The following COPZ2 variants were observed in gnomAD, a reference collection of about 807,000 sequenced individuals.
COPZ2 encodes the protein coat protein complex I subunit zeta 2, also known as coatomer subunit zeta-2.
COPZ2 carries 30 observed loss-of-function variants against 33.2 expected under a neutral mutation model. The observed-to-expected ratio is 0.90, with a 90% CI of 0.68 to 1.23. The LOEUF (loss-of-function observed/expected upper bound fraction) is 1.23, where lower values mean the gene tolerates loss of function less well. Among genes scored for constraint, COPZ2 ranks in the 50% most tolerant of loss-of-function variants. The pLI, the probability that COPZ2 is intolerant of heterozygous loss-of-function variation, is 0.00. For missense variants in COPZ2, 263 were observed against 262.4 expected, an observed-to-expected ratio of 1.00 and a Z score of -0.02; for synonymous variants, 89 against 102.6, an observed-to-expected ratio of 0.87 and a Z score of 0.80.
At chr17:48,026,538 A>G in intron 8 of COPZ2, 63 bp from the exon 9 acceptor site, 2 of 1,258,108 alleles carry the variant, frequency 1.6e-6, no homozygotes, top group Non-Finnish European at 2.3e-6. Context: ...ATACACAGTC[A>G]TGGGGAGGTC....
chr17:48,036,462 C>A (rs551930038), intron 2 of COPZ2, among the ~76,000 whole-genome samples: 1 of 152,120 alleles, frequency 6.6e-6, no homozygotes, highest in Non-Finnish European at 1.5e-5. Flanking sequence ...TAGACTAAAT[C>A]GTTAGTGTTT....
intron 4 of COPZ2, 125 bp downstream of exon 4, chr17:48,033,086 C>T: frequency 1.4e-6 from 1 of 690,182 alleles, no homozygotes; most frequent in Non-Finnish European, 2.6e-6. Context: ...CCTCCTCTAC[C>T]CCATGGAGCC....
Position 48,026,472 on chromosome 17 carries a change from G to A in COPZ2, c.589C>T (p.Leu197Phe). The change falls in exon 9 of 9, where the codon CTT becomes TTT. Residue 197 changes from leucine to phenylalanine, a missense_variant. Transcript: ENST00000621465. ...TTAATTTGTTCCTTGGCAGACTGAA[G>A]AACCTGGGGTGGGGTGGGGGAGGTT... ...GLTEQSVAQV[L>F]QSAKEQIKWS... 4 of 1,610,246 alleles carry A rather than the reference G, an allele frequency of 2.5e-6. No individual in the cohort carries two copies. Among genetic ancestry groups the A allele is most frequent in the African/African-American group, 1.3e-5 (1 of 74,976 alleles).
chr17:48,026,819 GAC>G (rs1271772934), intron 8 of COPZ2, among the ~76,000 whole-genome samples: 1 of 152,250 alleles, frequency 6.6e-6, no homozygotes, highest in Non-Finnish European at 1.5e-5. Context: ...GCCCAGGCCT[GAC>G]ACTCCCTGTG....
the COPZ2 span, among the ~76,000 whole-genome samples, chr17:48,044,172 C>T: frequency 6.6e-6 from 1 of 152,098 alleles, no homozygotes. Context: ...CATGGCAAAA[C>T]CCTGTCTCTA....
intron 3 of COPZ2, among the ~76,000 whole-genome samples, chr17:48,033,536 C>T (rs1007783741): frequency 1.3e-5 from 2 of 152,166 alleles, no homozygotes; most frequent in Non-Finnish European, 2.9e-5. Flanking sequence ...CAGTTGTTGA[C>T]CCGTTTACCT....
rs115474324 is a variant in COPZ2, at chr17:48,035,736, T to G, written c.186+1115A>C. ...ACTGCGCCTGGCCTTACAACACATTTCTTTTCTTTTTCTTTTCTTTTTTTT... is the reference window on the plus strand; with the variant it reads ...ACTGCGCCTGGCCTTACAACACATTGCTTTTCTTTTTCTTTTCTTTTTTTT... On this transcript the variant is annotated intron_variant, in intron 2 of 8. Coordinates refer to ENST00000621465, the MANE Select transcript of COPZ2 (RefSeq NM_016429.4). Among the ~76,000 whole-genome samples the G allele has an allele frequency of 5.7e-3, 852 of 150,758 alleles. 5 individuals are homozygous for G. Among genetic ancestry groups the G allele is most frequent in the African/African-American group, 0.02 (802 of 41,066 alleles).
At position 48,037,357 on chromosome 17, in the gene COPZ2, A is replaced by C. The variant is rs1598265814; in HGVS notation, c.111+310T>G. The C allele has an allele frequency of 4.2e-5, 14 of 331,054 alleles. No homozygotes were observed. Among genetic ancestry groups the C allele is most frequent in the East Asian group, 9.8e-5 (1 of 10,158 alleles). The allele number at this position is 331,054 out of a possible 1,614,324, so 20.5% of individuals were successfully genotyped here. A position where few individuals can be genotyped will look rare whatever the true frequency, so the allele number is the denominator to read the frequency against. On this transcript the variant is annotated intron_variant, in intron 1 of 8. Transcript: ENST00000621465. The surrounding 1 kb of genome is among the most constrained non-coding windows in gnomAD (Gnocchi z 5.6). ...GACTCCAGAAGCATGCCCATCACCC[A>C]CCGGTGATGGGAGCCGAGTCTGGGA...
rs541404337 is a variant in COPZ2 at position 48,033,899 on chromosome 17, C to T, written c.232G>A (p.Glu78Lys). Residue 78 changes from glutamate to lysine, a missense_variant, in exon 3 of 9, where the codon GAG becomes AAG. By Grantham distance (56) the Glu-to-Lys change is moderately conservative. Coordinates refer to ENST00000621465, the MANE Select transcript of COPZ2 (RefSeq NM_016429.4). ...CTGGTCTTGTTGAAGACATTTTTCT[C>T]GAAAACCATCTGCTCCTTCATGGAG... is the stretch of plus-strand genomic sequence containing the variant. Reference protein sequence around the residue: ...FPSMKEQMVFEKNVFNKTSRT... With the variant: ...FPSMKEQMVFKKNVFNKTSRT... The T allele has an allele frequency of 8.7e-6, 14 of 1,611,728 alleles. No individual in the cohort carries two copies. Among genetic ancestry groups the T allele is most frequent in the Admixed American group, 5.0e-5 (3 of 59,780 alleles).
chr17:48,037,814 G>A (rs990679533), upstream of COPZ2: 19 of 970,980 alleles, frequency 2.0e-5, no homozygotes, highest in African/African-American at 3.3e-4. The surrounding 1 kb of genome is among the most constrained non-coding windows in gnomAD (Gnocchi z 5.6). Flanking sequence ...GCCGCCCGCC[G>A]CCTGCCCGCC....
chr17:48,034,776 C>T (rs372693266), intron 2 of COPZ2, among the ~76,000 whole-genome samples: 6 of 151,878 alleles, frequency 4.0e-5, no homozygotes, highest in Non-Finnish European at 8.8e-5. Flanking sequence ...TGAGGTCAGG[C>T]GTTCCAGACC....
chr17:48,031,794 T>A lies in COPZ2; in HGVS notation c.494+362A>T, dbSNP rs568355041. 1.7e-5 allele frequency: 5 copies of A among 296,042 alleles called. No homozygotes were observed. The East Asian group carries it at 4.1e-4, about 24-fold the overall frequency. The allele number at this position is 296,042 out of a possible 1,614,324, so 18.3% of individuals were successfully genotyped here. On this transcript the variant is annotated intron_variant, in intron 6 of 8. Coordinates refer to ENST00000621465, the MANE Select transcript of COPZ2 (RefSeq NM_016429.4). ...AATTGAGCCCTAAGAGCAGGACATG[T>A]GGGGCTGGTGGGACTGTCTGAAGTC...
At chr17:48,043,167 T>G in the COPZ2 span, among the ~76,000 whole-genome samples, 2 of 152,144 alleles carry the variant, frequency 1.3e-5, no homozygotes, top group African/African-American at 4.8e-5. Flanking sequence ...TCCCTTCGGG[T>G]AGGCACAGTA....
At chr17:48,027,356 G>C (rs2036831907) in intron 8 of COPZ2, among the ~76,000 whole-genome samples, 1 of 152,206 alleles carries the variant, frequency 6.6e-6, no homozygotes, top group African/African-American at 2.4e-5. Flanking sequence ...GCCCTACTAA[G>C]AGCTTGTCAC....
the COPZ2 span, chr17:48,046,428 G>T: frequency 6.6e-6 from 1 of 152,218 alleles, no homozygotes; most frequent in Non-Finnish European, 1.5e-5. Flanking sequence ...CTCCTGAGTA[G>T]TTGGGACTAT....
At position 48,037,317 on chromosome 17, in the gene COPZ2, GC is replaced by G; in HGVS notation, c.111+349del. On this transcript the variant is annotated intron_variant, in intron 1 of 8. Transcript: ENST00000621465. This position sits in a 1 kb window ranked among gnomAD's most constrained non-coding sequence, Gnocchi z 5.6. The stretch of plus-strand genomic sequence containing the variant: ...ACCTGCGCTATCAGCGCGCCCCCAG[GC>G]CCTGGCCCGGGTAGACTCCAGAAGC... 1 of 455,284 alleles carries G rather than the reference GC, an allele frequency of 2.2e-6. No homozygotes were observed. The highest frequency in any genetic ancestry group is 4.3e-6 in the Non-Finnish European group (1 of 234,938). 28.2% of individuals were successfully genotyped at this position (455,284 alleles called of 1,614,324 possible).
In COPZ2 at chr17:48,037,042, G is replaced by T; in HGVS notation, c.112-117C>A. 1.1e-6 allele frequency: 1 copy of T among 923,770 alleles called. No homozygotes were observed. Among genetic ancestry groups the T allele is most frequent in the Non-Finnish European group, 1.8e-6 (1 of 561,782 alleles). 57.2% of individuals were successfully genotyped at this position (923,770 alleles called of 1,614,324 possible). On this transcript the variant is annotated intron_variant, in intron 1 of 8. Transcript: ENST00000621465. The surrounding 1 kb of genome is among the most constrained non-coding windows in gnomAD (Gnocchi z 5.6). ...GGCCCCAGCAACCCCAGTCCTCAAG[G>T]TCCACAGCTGGTTCTGCCCAGCCCT...
chr17:48,043,440 C>G, the COPZ2 span: 1 of 840,814 alleles, frequency 1.2e-6, no homozygotes, highest in African/African-American at 1.8e-5. Context: ...GGGTACCAGC[C>G]TCTCTCTATC....
intron 3 of COPZ2, among the ~76,000 whole-genome samples, 180 bp from the exon 4 acceptor site, chr17:48,033,482 A>T (rs1265351681): frequency 6.6e-6 from 1 of 151,812 alleles, no homozygotes; most frequent in Admixed American, 6.6e-5. Context: ...CTTATCTGCT[A>T]CTCTATTTCT....
Sources: allele counts gnomAD v4.1 joint callset (sites outside exome capture counted in the v4.1 genomes callset), GRCh38; gene constraint gnomAD v4.1.1; non-coding constraint Gnocchi (gnomAD v3.1); transcripts MANE v1.5; gene names NCBI Gene and HGNC (gene_info 2026-07-23, HGNC 2026-07-21).